Variants in PITPNM2 observed in about 807,000 individuals in gnomAD.
PITPNM2 encodes membrane-associated phosphatidylinositol transfer protein 2.
Under a neutral mutation model 132.2 loss-of-function variants are expected in PITPNM2, and 35 were observed. The ratio of observed to expected loss-of-function variants is 0.26; its 90% CI spans 0.20 to 0.35. PITPNM2 has a LOEUF of 0.35. Ranked by LOEUF, PITPNM2 falls within the 10% of genes least tolerant of loss-of-function variation. The pLI, the probability that PITPNM2 is intolerant of heterozygous loss-of-function variation, is 1.00. For missense variants in PITPNM2, 1,332 were observed against 1,912.0 expected, an observed-to-expected ratio of 0.70 and a Z score of 5.66; for synonymous variants, 738 against 799.2, an observed-to-expected ratio of 0.92 and a Z score of 1.29.
chr12:122,989,978 C>T, intron 17 of PITPNM2, 30 bp from the exon 18 acceptor site: 1 of 1,299,802 alleles, frequency 7.7e-7, no homozygotes. Flanking sequence ...GATGGCTCAG[C>T]CACGCGGGGA....
At position 123,018,276 on chromosome 12, in the gene PITPNM2, C is replaced by T. The variant is rs924027438; in HGVS notation, c.79-4234G>A. Among the ~76,000 whole-genome samples the T allele has an allele frequency of 3.7e-5, 5 of 134,376 alleles. No homozygotes were observed. In the South Asian group the frequency reaches 9.5e-4, roughly 25 times the overall value. The allele number at this position is 134,376 out of a possible 152,430, so 88.2% of individuals were successfully genotyped here. On this transcript the variant is annotated intron_variant, in intron 3 of 25. Coordinates refer to ENST00000320201, the MANE Select transcript of PITPNM2 (RefSeq NM_020845.3). ...TTAATAATTTAATAATTTTTAATTT[C>T]TTTTCTTTTTTCTTTTCTTTTTTTT...
intron 1 of PITPNM2, among the ~76,000 whole-genome samples, chr12:123,130,359 T>G (rs2137543559): frequency 6.6e-6 from 1 of 152,176 alleles, no homozygotes; most frequent in East Asian, 1.9e-4. Context: ...GCAAAAGACC[T>G]TTGGAAACAC....
intron 2 of PITPNM2, among the ~76,000 whole-genome samples, chr12:123,068,551 G>A (rs1276731860): frequency 3.3e-5 from 5 of 152,150 alleles, no homozygotes; most frequent in Non-Finnish European, 5.9e-5. Flanking sequence ...AAGAACTAAC[G>A]CAGGGACTGC....
chr12:123,006,664 G>A (rs2038945435), intron 6 of PITPNM2, among the ~76,000 whole-genome samples: 1 of 151,386 alleles, frequency 6.6e-6, no homozygotes, highest in African/African-American at 2.4e-5. Context: ...AGCGAGCCAT[G>A]ATCATGCCAC....
chr12:123,121,794 C>A (rs2043037445), intron 1 of PITPNM2, among the ~76,000 whole-genome samples: 1 of 152,010 alleles, frequency 6.6e-6, no homozygotes, highest in Non-Finnish European at 1.5e-5. Flanking sequence ...ATCCTCCCGC[C>A]TCTGCCTCTT....
intron 1 of PITPNM2, among the ~76,000 whole-genome samples, chr12:123,124,238 C>A (rs2043091903): frequency 6.6e-6 from 1 of 151,994 alleles, no homozygotes; most frequent in Admixed American, 6.6e-5. Context: ...GCCTGGGCGA[C>A]AGAGTGAGAC....
At chr12:123,136,526 G>A (rs1304167087) in intron 1 of PITPNM2, among the ~76,000 whole-genome samples, 2 of 152,014 alleles carry the variant, frequency 1.3e-5, no homozygotes, top group Non-Finnish European at 2.9e-5. Flanking sequence ...CCATATTACA[G>A]CTAATTCACA....
chr12:122,997,622 G>A, intron 10 of PITPNM2, 50 bp from the exon 11 acceptor site: 1 of 1,581,152 alleles, frequency 6.3e-7, no homozygotes, highest in Non-Finnish European at 8.6e-7. Flanking sequence ...CCAGCTCCTT[G>A]CTGAGGCCCC....
At chr12:123,090,686 A>G (rs1156442351) in intron 2 of PITPNM2, 2 of 152,246 alleles carry the variant, frequency 1.3e-5, no homozygotes, top group African/African-American at 4.8e-5. Flanking sequence ...GCTGTCTTTT[A>G]TGGGGCCTTG....
intron 18 of PITPNM2, 87 bp from the exon 19 acceptor site, chr12:122,988,959 G>A (rs1399165141): frequency 2.9e-6 from 4 of 1,362,278 alleles, no homozygotes; most frequent in East Asian, 2.6e-5. Flanking sequence ...GGCCTGCTCA[G>A]CCCAGCACAG....
chr12:123,082,783 TC>T lies in PITPNM2; in HGVS notation c.-96+27601del, dbSNP rs1364999723. On this transcript the variant is annotated intron_variant, in intron 2 of 25. Coordinates refer to ENST00000320201, the MANE Select transcript of PITPNM2 (RefSeq NM_020845.3). The surrounding 1 kb of genome is among the most constrained non-coding windows in gnomAD (Gnocchi z 5.4). ...CACAGTTCTATGGCATTAGGCACAT[TC>T]ACATTGTTGTGCAACATCCCCACCA... The T allele has an allele frequency of 6.6e-6, 1 of 152,222 alleles. No individual in the cohort carries two copies. The highest frequency in any genetic ancestry group is 1.9e-4 in the East Asian group (1 of 5,196). 9.4% of individuals were successfully genotyped at this position (152,222 alleles called of 1,614,324 possible). A position where few individuals can be genotyped will look rare whatever the true frequency, so the allele number is the denominator to read the frequency against.
chr12:123,101,806 C>T (rs760142932), intron 2 of PITPNM2, among the ~76,000 whole-genome samples: 1 of 152,106 alleles, frequency 6.6e-6, no homozygotes, highest in Non-Finnish European at 1.5e-5. Flanking sequence ...GCCTGTAATT[C>T]CAGCACTTTG....
chr12:123,063,219 G>C (rs2041307640), intron 2 of PITPNM2, among the ~76,000 whole-genome samples: 1 of 152,240 alleles, frequency 6.6e-6, no homozygotes, highest in Non-Finnish European at 1.5e-5. Flanking sequence ...GTGGTTGAGA[G>C]CTTCCTCATC....
In PITPNM2 at chr12:123,014,173, G is replaced by A. The variant is rs1015551346; in HGVS notation, c.79-131C>T. The A allele has an allele frequency of 3.3e-6, 3 of 922,454 alleles. No individual in the cohort carries two copies. The African/African-American group carries it at 4.9e-5, about 15-fold the overall frequency. The allele number at this position is 922,454 out of a possible 1,614,324, so 57.1% of individuals were successfully genotyped here. A position where few individuals can be genotyped will look rare whatever the true frequency, so the allele number is the denominator to read the frequency against. ...TTGGTCAACGAGGCTGGCTCCTCCT[G>A]TGTCACTTCCAGGCCCCCAAATCTA... On this transcript the variant is annotated intron_variant, in intron 3 of 25. Transcript: ENST00000320201.
At chr12:123,068,514 G>T (rs1324359841) in intron 2 of PITPNM2, among the ~76,000 whole-genome samples, 1 of 151,794 alleles carries the variant, frequency 6.6e-6, no homozygotes, top group Non-Finnish European at 1.5e-5. Context: ...TAATCCTTGG[G>T]CACACCAGCC....
At chr12:123,113,223 C>T (rs940974283) in intron 1 of PITPNM2, among the ~76,000 whole-genome samples, 1 of 152,296 alleles carries the variant, frequency 6.6e-6, no homozygotes, top group East Asian at 1.9e-4. Context: ...CTCCAGCCTC[C>T]GTTGACATGG....
At chr12:123,112,320 C>G (rs974694392) in intron 1 of PITPNM2, among the ~76,000 whole-genome samples, 2 of 152,040 alleles carry the variant, frequency 1.3e-5, no homozygotes, top group African/African-American at 4.8e-5. Context: ...AAATGGTAAA[C>G]AGTGAATCTG....
At chr12:123,136,106 T>C (rs1487448978) in intron 1 of PITPNM2, among the ~76,000 whole-genome samples, 2 of 151,930 alleles carry the variant, frequency 1.3e-5, no homozygotes, top group Non-Finnish European at 2.9e-5. Flanking sequence ...ATCAAGAAGA[T>C]CCTGGCTAAC....
At chr12:123,043,188 A>G (rs2040550470) in intron 2 of PITPNM2, among the ~76,000 whole-genome samples, 1 of 152,080 alleles carries the variant, frequency 6.6e-6, no homozygotes, top group Non-Finnish European at 1.5e-5. Context: ...TGAGGAGACT[A>G]AGGCTCAGGA....
Sources: allele counts gnomAD v4.1 joint callset (sites outside exome capture counted in the v4.1 genomes callset), GRCh38; gene constraint gnomAD v4.1.1; non-coding constraint Gnocchi (gnomAD v3.1); transcripts MANE v1.5; gene names NCBI Gene and HGNC (gene_info 2026-07-23, HGNC 2026-07-21).